RAP1GAP2: variants seen among roughly 807,000 people sequenced by gnomAD.
The protein encoded by RAP1GAP2 is rap1 GTPase-activating protein 2.
A neutral mutation model predicts 95.0 loss-of-function variants in RAP1GAP2; 27 were observed. The ratio of observed to expected loss-of-function variants is 0.28; its 90% CI spans 0.21 to 0.39. The LOEUF is 0.39. Ranked by LOEUF, RAP1GAP2 falls within the 10% of genes least tolerant of loss-of-function variation. The pLI, the probability that RAP1GAP2 is intolerant of heterozygous loss-of-function variation, is 1.00. For synonymous variants in RAP1GAP2, 373 were observed against 380.9 expected (o/e 0.98, Z 0.24); for missense variants, 771 against 970.0 (o/e 0.79, Z 2.72).
intron 2 of RAP1GAP2, among the ~76,000 whole-genome samples, chr17:2,852,906 C>T (rs2071928490): frequency 6.6e-6 from 1 of 152,204 alleles, no homozygotes. Context: ...TTCCGCCCTT[C>T]CTTTCCGAAG....
intron 3 of RAP1GAP2, among the ~76,000 whole-genome samples, chr17:2,938,833 G>A (rs1187803820): frequency 2.0e-5 from 3 of 151,714 alleles, no homozygotes; most frequent in Non-Finnish European, 4.4e-5. Context: ...CTAAAAATAC[G>A]AAAATTAGCC....
rs540655869 is a variant in RAP1GAP2 at position 2,825,297 on chromosome 17, T to C, written c.80+24747T>C. ...TCTCCAGCCTGTCTCCGCAGGGTTG[T>C]TTTTGGCTCATGATTTGGGCAAGAG... On this transcript the variant is annotated intron_variant, in intron 2 of 24. Transcript: ENST00000254695. The surrounding 1 kb of genome is among the most constrained non-coding windows in gnomAD (Gnocchi z 4.1). Among the ~76,000 whole-genome samples, 23 of 152,152 alleles carry C rather than the reference T, an allele frequency of 1.5e-4. No homozygotes were observed. In the East Asian group the frequency reaches 4.1e-3, roughly 27 times the overall value.
At chr17:2,766,336 G>A (rs1304910676) in intron 1 of RAP1GAP2, among the ~76,000 whole-genome samples, 1 of 152,096 alleles carries the variant, frequency 6.6e-6, no homozygotes, top group African/African-American at 2.4e-5. Context: ...GAGGGAGAGA[G>A]GTCTTGAAAG....
intron 1 of RAP1GAP2, among the ~76,000 whole-genome samples, chr17:2,755,932 C>T (rs1447222266): frequency 1.3e-5 from 2 of 151,948 alleles, no homozygotes; most frequent in African/African-American, 2.4e-5. Context: ...CCACCCCCTC[C>T]GGTCCCCACC....
chr17:2,947,075 C>A (rs1394470340), intron 3 of RAP1GAP2, among the ~76,000 whole-genome samples: 8 of 152,132 alleles, frequency 5.3e-5, no homozygotes, highest in Non-Finnish European at 1.2e-4. Context: ...TTTTAACTAG[C>A]CCCCAGGTGG....
upstream of RAP1GAP2, among the ~76,000 whole-genome samples, chr17:2,795,530 C>T (rs530532870): frequency 4.0e-4 from 61 of 152,322 alleles, no homozygotes; most frequent in Admixed American, 2.3e-3. Flanking sequence ...ACCGCCCCCC[C>T]ACCCCACACA....
In RAP1GAP2 at chr17:3,037,289, G is replaced by A. The variant is rs3195014; in HGVS notation, c.*3928G>A. ...TGCCTTACCAGCCCTGGGGAGGGGG[G>A]CATTTGGCTGGAAGACTGGAATTTA... On this transcript the variant is annotated 3_prime_UTR_variant, in exon 25 of 25. Transcript: ENST00000254695. 0.63 allele frequency: 94,720 copies of A among 149,668 alleles called. 31,528 individuals are homozygous for A. Among genetic ancestry groups the A allele is most frequent in the African/African-American group, 0.81 (33,185 of 40,760 alleles). 9.3% of individuals were successfully genotyped at this position (149,668 alleles called of 1,614,324 possible).
At chr17:2,818,173 G>T (rs2151513194) in intron 2 of RAP1GAP2, among the ~76,000 whole-genome samples, 1 of 151,944 alleles carries the variant, frequency 6.6e-6, no homozygotes, top group South Asian at 2.1e-4. Flanking sequence ...TAAAATTAAA[G>T]AAATAAAACA....
At chr17:2,928,148 C>T (rs2043027788) in intron 3 of RAP1GAP2, among the ~76,000 whole-genome samples, 1 of 152,196 alleles carries the variant, frequency 6.6e-6, no homozygotes, top group Admixed American at 6.5e-5. Flanking sequence ...CTTTGCCCAG[C>T]TCTGATTTGG....
At position 2,857,466 on chromosome 17, in the gene RAP1GAP2, T is replaced by C. The variant is rs7209197; in HGVS notation, c.81-47818T>C. ...CTCCAGGCTCCAACTTCAATTTCCG[T>C]TTTCGAGAAATGGGCGTGGTGATCA... On this transcript the variant is annotated intron_variant, in intron 2 of 24. Coordinates refer to ENST00000254695, the MANE Select transcript of RAP1GAP2 (RefSeq NM_015085.5). This position sits in a 1 kb window ranked among gnomAD's most constrained non-coding sequence, Gnocchi z 4.0. Among the ~76,000 whole-genome samples the C allele has an allele frequency of 0.029, 4,461 of 152,270 alleles. 212 individuals carry two copies. The highest frequency in any genetic ancestry group is 0.1 in the African/African-American group (4,156 of 41,524).
At chr17:2,859,261 T>C (rs918526784) in intron 2 of RAP1GAP2, among the ~76,000 whole-genome samples, 7 of 151,642 alleles carry the variant, frequency 4.6e-5, no homozygotes, top group Non-Finnish European at 1.0e-4. Context: ...CAGGCGCCTG[T>C]CACTACGGCC....
chr17:2,951,797 G>A (rs1256628940), intron 3 of RAP1GAP2, among the ~76,000 whole-genome samples: 2 of 152,138 alleles, frequency 1.3e-5, no homozygotes, highest in Non-Finnish European at 2.9e-5. Flanking sequence ...ACTTGGGGAG[G>A]CCGAGGCAGG....
chr17:2,824,486 T>C (rs558502324), intron 2 of RAP1GAP2, among the ~76,000 whole-genome samples: 1 of 150,100 alleles, frequency 6.7e-6, no homozygotes, highest in Non-Finnish European at 1.5e-5. Context: ...CTCACGCCTG[T>C]AATCCCAGCA....
intron 14 of RAP1GAP2, among the ~76,000 whole-genome samples, chr17:2,999,852 C>T (rs1254059553): frequency 6.6e-6 from 1 of 152,152 alleles, no homozygotes; most frequent in Non-Finnish European, 1.5e-5. Context: ...GCAACCCCCT[C>T]CTGTTGAGGC....
intron 13 of RAP1GAP2, among the ~76,000 whole-genome samples, chr17:2,996,440 AG>A (rs2045963929): frequency 6.6e-6 from 1 of 152,146 alleles, no homozygotes; most frequent in African/African-American, 2.4e-5. Flanking sequence ...GGAACTGGGG[AG>A]GGAGCACAGA....
At position 2,855,637 on chromosome 17, in the gene RAP1GAP2, A is replaced by C. The variant is rs1215377435; in HGVS notation, c.81-49647A>C. 6.6e-6 allele frequency among the ~76,000 whole-genome samples: 1 copy of C among 152,064 alleles called. No individual in the cohort carries two copies. Among genetic ancestry groups the C allele is most frequent in the Non-Finnish European group, 1.5e-5 (1 of 68,030 alleles). On this transcript the variant is annotated intron_variant, in intron 2 of 24. Coordinates refer to ENST00000254695, the MANE Select transcript of RAP1GAP2 (RefSeq NM_015085.5). The surrounding 1 kb of genome is among the most constrained non-coding windows in gnomAD (Gnocchi z 4.3). ...ATTTATTTATTTATTTTTGAGGAGG[A>C]GTCTCACTCTGTTAGCCCAAGCTGG... is the stretch of plus-strand genomic sequence containing the variant.
intron 2 of RAP1GAP2, among the ~76,000 whole-genome samples, chr17:2,878,485 C>T (rs557590404): frequency 6.6e-6 from 1 of 152,218 alleles, no homozygotes; most frequent in Admixed American, 6.5e-5. Flanking sequence ...TATGCCGTAT[C>T]GCTGACTCGA....
chr17:2,926,500 A>T (rs111767359), intron 3 of RAP1GAP2, among the ~76,000 whole-genome samples: 1 of 152,162 alleles, frequency 6.6e-6, no homozygotes, highest in Admixed American at 6.5e-5. Flanking sequence ...TGGGAGTGAG[A>T]CTAGCAGTTC....
At chr17:2,843,354 C>T (rs1410667218) in intron 2 of RAP1GAP2, among the ~76,000 whole-genome samples, 33 of 151,384 alleles carry the variant, frequency 2.2e-4, no homozygotes, top group Admixed American at 2.0e-3. Flanking sequence ...GGCGCGATCT[C>T]GGCTCACGGC....
Sources: gnomAD v4.1 joint callset for allele counts (sites outside exome capture counted in the v4.1 genomes callset) on GRCh38, gnomAD v4.1.1 for gene constraint, Gnocchi (gnomAD v3.1) non-coding constraint, MANE v1.5 for transcripts, NCBI Gene and HGNC (gene_info 2026-07-23, HGNC 2026-07-21) for gene names.